The following SLC5A11 variants were observed in gnomAD, a reference collection of about 807,000 sequenced individuals.
The protein encoded by SLC5A11 is solute carrier family 5 member 11.
In SLC5A11, 48 loss-of-function variants were observed where a neutral mutation model predicts 69.8. The ratio of observed to expected loss-of-function variants is 0.69; its 90% CI spans 0.55 to 0.87. SLC5A11 has a LOEUF of 0.87. Among genes scored for constraint, SLC5A11 ranks in the 40% least tolerant of loss-of-function variants. The pLI, the probability that SLC5A11 is intolerant of heterozygous loss-of-function variation, is 0.00. For synonymous variants in SLC5A11, 319 were observed against 342.4 expected (o/e 0.93, Z 0.75); for missense variants, 784 against 866.1 (o/e 0.91, Z 1.19).
intron 3 of SLC5A11, among the ~76,000 whole-genome samples, chr16:24,865,750 C>G (rs1405091667): frequency 6.6e-6 from 1 of 150,890 alleles, no homozygotes; most frequent in Non-Finnish European, 1.5e-5. Context: ...GAAGACCTAC[C>G]CTATAAGAAA....
intron 5 of SLC5A11, among the ~76,000 whole-genome samples, chr16:24,872,971 C>G (rs1210752996): frequency 6.0e-5 from 6 of 99,404 alleles, no homozygotes; most frequent in Admixed American, 3.6e-4. Context: ...AAACCTGTCT[C>G]TACTAAAAAA....
intron 7 of SLC5A11, among the ~76,000 whole-genome samples, chr16:24,880,580 C>T (rs919032126): frequency 2.6e-5 from 4 of 152,088 alleles, no homozygotes; most frequent in Non-Finnish European, 4.4e-5. Flanking sequence ...GTGATCTGCC[C>T]GCTTCGGCCT....
intron 7 of SLC5A11, among the ~76,000 whole-genome samples, chr16:24,880,299 C>T (rs569954762): frequency 5.3e-5 from 8 of 152,098 alleles, no homozygotes; most frequent in African/African-American, 1.4e-4. Context: ...ATGATGGAGC[C>T]GGAGAGAAAG....
In SLC5A11 at chr16:24,864,523, T is replaced by A. The variant is rs74015727; in HGVS notation, c.207+1851T>A. 3.4e-3 allele frequency among the ~76,000 whole-genome samples: 514 copies of A among 152,296 alleles called. 3 individuals are homozygous for A. Among genetic ancestry groups the A allele is most frequent in the African/African-American group, 0.012 (495 of 41,558 alleles). ...ATAAACCCTGAAGAGTCAGGAATTA[T>A]CAGATTTCTAGAGTTACCAGTGACA... On this transcript the variant is annotated intron_variant, in intron 3 of 15. Transcript: ENST00000347898.
chr16:24,871,394 C>T (rs554330089), intron 4 of SLC5A11, among the ~76,000 whole-genome samples: 3 of 152,216 alleles, frequency 2.0e-5, no homozygotes, highest in South Asian at 2.1e-4. Context: ...CTTCAGCCTC[C>T]CAAGTAGCTG....
rs79437573 is a variant in SLC5A11, at chr16:24,869,249, A to G, written c.208-652A>G. Among the ~76,000 whole-genome samples the G allele has an allele frequency of 9.1e-3, 1,388 of 152,068 alleles. 23 individuals carry two copies. Among genetic ancestry groups the G allele is most frequent in the African/African-American group, 0.031 (1,295 of 41,468 alleles). ...GCAGCACAGGGTGAAACATGCCTCC[A>G]CACCACTCCCTCACCCCCAGCACAC... On this transcript the variant is annotated intron_variant, in intron 3 of 15. Transcript: ENST00000347898.
intron 1 of SLC5A11, among the ~76,000 whole-genome samples, chr16:24,856,519 C>T (rs1052466171): frequency 8.8e-5 from 13 of 147,434 alleles, no homozygotes; most frequent in Non-Finnish European, 1.0e-4. Context: ...TTTGGGAGGC[C>T]GAGGTGGGTG....
rs114280339 is a variant in SLC5A11, at chr16:24,899,979, C to T, written c.1006+1870C>T. Among the ~76,000 whole-genome samples the T allele has an allele frequency of 1.7e-3, 259 of 152,226 alleles. 1 individual carries two copies. The highest frequency in any genetic ancestry group is 0.01 in the Middle Eastern group (3 of 294). On this transcript the variant is annotated intron_variant, in intron 10 of 15. Coordinates refer to ENST00000347898, the Ensembl canonical transcript of SLC5A11. ...TCAGCCTCCCAAAGTGCTGGGATTA[C>T]GGTGTGAGCCATTGTGCCCAGCTGG...
intron 1 of SLC5A11, among the ~76,000 whole-genome samples, chr16:24,855,588 A>G (rs1303633938): frequency 1.3e-5 from 2 of 151,958 alleles, no homozygotes; most frequent in Non-Finnish European, 2.9e-5. Context: ...GTAACAGAGC[A>G]AAACTCTTGT....
At chr16:24,901,707 G>A (rs1257505545) in intron 10 of SLC5A11, among the ~76,000 whole-genome samples, 1 of 152,012 alleles carries the variant, frequency 6.6e-6, no homozygotes, top group Non-Finnish European at 1.5e-5. Flanking sequence ...AGAACACTCT[G>A]GGGGCCCATA....
chr16:24,848,332 G>A (rs938919007), intron 1 of SLC5A11, among the ~76,000 whole-genome samples: 24 of 151,644 alleles, frequency 1.6e-4, no homozygotes, highest in African/African-American at 5.8e-4. Context: ...AGCAAGGCTG[G>A]GTGAGGTGGC....
chr16:24,906,138 C>T (rs2050039619), intron 10 of SLC5A11, among the ~76,000 whole-genome samples: 1 of 151,902 alleles, frequency 6.6e-6, no homozygotes, highest in Non-Finnish European at 1.5e-5. Flanking sequence ...GTCAGGAGTT[C>T]GAGACCAGCC....
intron 8 of SLC5A11, 67 bp from the exon 10 acceptor site, chr16:24,890,802 C>A: frequency 6.8e-7 from 1 of 1,466,992 alleles, no homozygotes; most frequent in Non-Finnish European, 9.6e-7. Flanking sequence ...CAGTCTCCAG[C>A]CATCTCCTCA....
chr16:24,856,597 C>CAAAAAAAAA (rs35867622), intron 1 of SLC5A11, among the ~76,000 whole-genome samples: 155 of 88,636 alleles, frequency 1.7e-3, no homozygotes, highest in East Asian at 4.2e-3. Context: ...ACTAAAAATA[C>CAAAAAAAAA]AAAAAAAAAA....
chr16:24,869,846 G>C (rs191165502), intron 3 of SLC5A11, 55 bp from the exon 5 acceptor site: 24 of 1,271,260 alleles, frequency 1.9e-5, no homozygotes, highest in Non-Finnish European at 2.3e-5. Flanking sequence ...TTGGGGGTGG[G>C]GAGCAGGTAC....
chr16:24,848,251 A>G (rs2059115103), intron 1 of SLC5A11, among the ~76,000 whole-genome samples: 1 of 152,208 alleles, frequency 6.6e-6, no homozygotes, highest in Non-Finnish European at 1.5e-5. Context: ...TGTTTTGAGC[A>G]GGAAAATGAT....
chr16:24,862,637 T>C (rs2152270961), exon 3 of SLC5A11: 1 of 1,613,740 alleles, frequency 6.2e-7, no homozygotes, highest in Non-Finnish European at 8.5e-7. Context: ...AGTGAAAGGC[T>C]ACTTCCTGGC....
intron 4 of SLC5A11, among the ~76,000 whole-genome samples, chr16:24,870,816 G>C (rs913023288): frequency 6.8e-6 from 1 of 146,460 alleles, no homozygotes; most frequent in Non-Finnish European, 1.5e-5. Flanking sequence ...GGTGTGTGAA[G>C]AAGAGGGCTC....
chr16:24,910,387 A>G (rs1567712351), exon 15 of SLC5A11: 2 of 1,614,026 alleles, frequency 1.2e-6, no homozygotes, highest in East Asian at 2.2e-5. Context: ...CTTGTCTCTT[A>G]CCCTCTCTCA....
Sources: allele counts gnomAD v4.1 joint callset (sites outside exome capture counted in the v4.1 genomes callset), GRCh38; gene constraint gnomAD v4.1.1; transcripts MANE v1.5; gene names NCBI Gene and HGNC (gene_info 2026-07-23, HGNC 2026-07-21).